Variants in ABCC1 observed in about 807,000 individuals in gnomAD.
ABCC1 encodes ATP binding cassette subfamily C member 1 (ABCC1 blood group), also known as multidrug resistance-associated protein 1.
ABCC1 carries 83 observed loss-of-function variants against 172.9 expected under a neutral mutation model. The observed-to-expected ratio is 0.48, with a 90% confidence interval of 0.40 to 0.58. The LOEUF (loss-of-function observed/expected upper bound fraction) is 0.58. Among genes scored for constraint, ABCC1 ranks in the 20% least tolerant of loss-of-function variants. The probability of loss-of-function intolerance (pLI) is 0.00; values close to 1 mark genes in which losing one functional copy is unlikely to be tolerated. For missense variants in ABCC1, 1,817 were observed against 2,002.7 expected, an observed-to-expected ratio of 0.91 and a Z score of 1.77; for synonymous variants, 937 against 825.2, an observed-to-expected ratio of 1.14 and a Z score of -2.32.
chr16:16,115,077 G>T lies in ABCC1; in HGVS notation c.3390+1G>T. ...TGGCCTCATCTACTTCTTCGTCCAGGTAAGGGGTGAGGTCTTAGTGTTCGG... is the reference window on the plus strand; with the variant it reads ...TGGCCTCATCTACTTCTTCGTCCAGTTAAGGGGTGAGGTCTTAGTGTTCGG... On this transcript the variant is annotated splice_donor_variant, in intron 23 of 30. Transcript: ENST00000399410. LOFTEE classifies it high-confidence loss of function. 1 of 1,613,192 alleles carries T rather than the reference G, an allele frequency of 6.2e-7. No individual in the cohort carries two copies. The highest frequency in any genetic ancestry group is 8.5e-7 in the Non-Finnish European group (1 of 1,179,180).
In ABCC1 at chr16:16,122,003, T is replaced by A. The variant is rs757142392; in HGVS notation, c.3419T>A (p.Leu1140Gln). Residue 1140 changes from leucine to glutamine, a missense_variant, in exon 24 of 31, where the codon CTG (leucine) becomes CAG (glutamine). Leu to Gln is a moderately radical substitution (Grantham distance 113). This residue lies in a region of ABCC1 where 1,412 missense variants were observed against 1,600.3 expected (regional missense o/e 0.88). Coordinates refer to ENST00000399410, the MANE Select transcript of ABCC1 (RefSeq NM_004996.4). ...QRFYVASSRQ[L>Q]KRLESVSRSP... ...TTCTACGTGGCTTCCTCCCGGCAGCTGAAGCGCCTCGAGTCGGTCAGCCGC... is the reference window on the plus strand; with the variant it reads ...TTCTACGTGGCTTCCTCCCGGCAGCAGAAGCGCCTCGAGTCGGTCAGCCGC... The A allele has an allele frequency of 1.9e-6, 3 of 1,614,218 alleles. No homozygotes were observed. The highest frequency in any genetic ancestry group is 2.5e-6 in the Non-Finnish European group (3 of 1,180,038).
At chr16:16,090,622 G>T in intron 19 of ABCC1, 34 bp downstream of exon 19, 3 of 1,531,424 alleles carry the variant, frequency 2.0e-6, no homozygotes, top group Non-Finnish European at 2.6e-6. Flanking sequence ...CCCACTCAGG[G>T]TGTCTGGCAC....
chr16:16,134,346 G>T lies in ABCC1; in HGVS notation c.3967-4G>T. ...CACCACACCTGGGCCCTTCTGTCCT[G>T]CAGGTCGGCATCGTGGGGCGGACGG... On this transcript the variant is annotated splice_polypyrimidine_tract_variant and splice_region_variant and intron_variant, in intron 27 of 30. Transcript: ENST00000399410. The T allele has an allele frequency of 6.2e-7, 1 of 1,614,078 alleles. No homozygotes were observed. The highest frequency in any genetic ancestry group is 8.5e-7 in the Non-Finnish European group (1 of 1,180,038).
intron 1 of ABCC1, among the ~76,000 whole-genome samples, chr16:15,950,160 GTC>G (rs1281079875): frequency 2.6e-5 from 4 of 152,110 alleles, no homozygotes; most frequent in African/African-American, 4.8e-5. Context: ...GAAGAGGGGT[GTC>G]TCTCTGCTTC....
At chr16:16,115,371 T>G (rs554026588) in intron 23 of ABCC1, among the ~76,000 whole-genome samples, 2 of 152,140 alleles carry the variant, frequency 1.3e-5, no homozygotes, top group Non-Finnish European at 2.9e-5. Flanking sequence ...TTTTTTTTTC[T>G]TGAGACAGAG....
chr16:16,138,529 C>A lies in ABCC1; in HGVS notation c.4458C>A (p.His1486Gln), dbSNP rs2152177055. 1 of 1,603,308 alleles carries A rather than the reference C, an allele frequency of 6.2e-7. No homozygotes were observed. Among genetic ancestry groups the A allele is most frequent in the Non-Finnish European group, 8.5e-7 (1 of 1,171,494 alleles). Residue 1486 changes from histidine to glutamine, a missense_variant, in exon 30 of 31, where the codon CAC (histidine) becomes CAA (glutamine). His to Gln is a conservative substitution (Grantham distance 24, BLOSUM62 0). Coordinates refer to ENST00000399410, the MANE Select transcript of ABCC1 (RefSeq NM_004996.4). Reference protein sequence around the residue: ...FEDCTVLTIAHRLNTIMDYTR... With the variant: ...FEDCTVLTIAQRLNTIMDYTR... ...ACTGCACCGTCCTCACCATCGCCCA[C>A]CGGCTCAACACCATCATGGACTACA...
intron 5 of ABCC1, among the ~76,000 whole-genome samples, chr16:16,022,796 G>A (rs1284172467): frequency 3.9e-5 from 6 of 152,202 alleles, no homozygotes; most frequent in Non-Finnish European, 8.8e-5. Context: ...GAATTCTACT[G>A]TGAGCAGTCA....
At chr16:16,119,520 A>G (rs1287524616) in intron 23 of ABCC1, among the ~76,000 whole-genome samples, 1 of 152,000 alleles carries the variant, frequency 6.6e-6, no homozygotes, top group Non-Finnish European at 1.5e-5. Context: ...GTGAAACCCC[A>G]TCTCTACTAA....
At chr16:16,044,861 G>A (rs1195355885) in intron 8 of ABCC1, among the ~76,000 whole-genome samples, 181 bp downstream of exon 8, 1 of 152,050 alleles carries the variant, frequency 6.6e-6, no homozygotes, top group African/African-American at 2.4e-5. Flanking sequence ...TGTTGGTCAG[G>A]CTGGTCTCGA....
chr16:16,072,767 C>G (rs1385153583), intron 14 of ABCC1, among the ~76,000 whole-genome samples: 1 of 151,876 alleles, frequency 6.6e-6, no homozygotes, highest in Non-Finnish European at 1.5e-5. Flanking sequence ...TTAGGCCGGG[C>G]ACAGTGGCTC....
intron 1 of ABCC1, among the ~76,000 whole-genome samples, chr16:15,981,975 T>C (rs2046630278): frequency 6.6e-6 from 1 of 152,188 alleles, no homozygotes; most frequent in Admixed American, 6.6e-5. Flanking sequence ...TGCCACTCTT[T>C]TTGCTTAAGC....
chr16:16,125,899 G>T lies in ABCC1; in HGVS notation c.3807G>T (p.Glu1269Asp). 6.2e-7 allele frequency: 1 copy of T among 1,613,866 alleles called. No individual in the cohort carries two copies. Among genetic ancestry groups the T allele is most frequent in the Non-Finnish European group, 8.5e-7 (1 of 1,179,916 alleles). Reference sequence around the variant, plus strand: ...TGGAGAGGCTCAAGGAGTATTCAGAGACTGAGAAGGAGGTAGGCAAGGGCC... The same window carrying T: ...TGGAGAGGCTCAAGGAGTATTCAGATACTGAGAAGGAGGTAGGCAAGGGCC... ...VAVERLKEYS[E>D]TEKEAPWQIQ... is the part of the protein sequence containing the mutation. Residue 1269 changes from glutamate (E) to aspartate (D), a missense_variant, in exon 26 of 31, where the codon GAG becomes GAT. Physicochemically the swap from Glu to Asp is conservative, Grantham distance 45 (BLOSUM62 2). Around this residue, in one of 3 missense-constraint regions of ABCC1, gnomAD observed 1,412 missense variants for 1,600.3 expected, o/e 0.88. Coordinates refer to ENST00000399410, the MANE Select transcript of ABCC1 (RefSeq NM_004996.4).
chr16:16,037,461 C>T (rs866312611), intron 7 of ABCC1, among the ~76,000 whole-genome samples: 2 of 151,856 alleles, frequency 1.3e-5, no homozygotes, highest in Admixed American at 6.6e-5. Context: ...TTGCGTGATG[C>T]GTTATTATTC....
chr16:16,019,801 A>G (rs150278611), intron 5 of ABCC1, among the ~76,000 whole-genome samples: 106 of 152,134 alleles, frequency 7.0e-4, no homozygotes, highest in African/African-American at 2.4e-3. Context: ...TGGCGGCTAA[A>G]AGGCTACACT....
Position 16,068,159 on chromosome 16 carries a change from G to A in ABCC1, c.1681G>A (p.Ala561Thr). ...GCACTGGGCGTTCTGCTTGCAGGTG[G>A]CCTTGTGCACATTTGCCGTCTACGT... ...FTWVCTPFLVALCTFAVYVTI... is the reference protein window; with the variant it reads ...FTWVCTPFLVTLCTFAVYVTI... The change falls in exon 13 of 31, where the codon GCC becomes ACC. Residue 561 changes from alanine (A) to threonine (T), a missense_variant. Coordinates refer to ENST00000399410, the MANE Select transcript of ABCC1 (RefSeq NM_004996.4). The A allele has an allele frequency of 1.2e-6, 2 of 1,614,050 alleles. No individual in the cohort carries two copies. Among genetic ancestry groups the A allele is most frequent in the Non-Finnish European group, 1.7e-6 (2 of 1,180,014 alleles).
At chr16:16,105,916 G>A (rs958341783) in intron 20 of ABCC1, among the ~76,000 whole-genome samples, 1 of 143,904 alleles carries the variant, frequency 6.9e-6, no homozygotes, top group Non-Finnish European at 1.5e-5. Flanking sequence ...TTACTCAGTC[G>A]CTGAGGCTGG....
At chr16:16,134,804 A>G (rs2045856682) in intron 28 of ABCC1, among the ~76,000 whole-genome samples, 1 of 151,738 alleles carries the variant, frequency 6.6e-6, no homozygotes, top group Admixed American at 6.6e-5. Context: ...ACCCAGCTAA[A>G]TTTGTTTTGT....
chr16:16,104,548 T>C (rs1275876717), intron 20 of ABCC1, among the ~76,000 whole-genome samples: 1 of 152,166 alleles, frequency 6.6e-6, no homozygotes, highest in Admixed American at 6.5e-5. Context: ...TACAATCCCT[T>C]AGCTAGACAT....
Position 16,087,003 on chromosome 16 carries a change from C to T in ABCC1, c.2460+12C>T, listed in dbSNP as rs373903536. 7.9e-5 allele frequency: 128 copies of T among 1,613,676 alleles called. No homozygotes were observed. Among genetic ancestry groups the T allele is most frequent in the Non-Finnish European group, 1.0e-4 (123 of 1,179,906 alleles). On this transcript the variant is annotated intron_variant, in intron 18 of 30. Coordinates refer to ENST00000399410, the MANE Select transcript of ABCC1 (RefSeq NM_004996.4). ...TGCTGAAGAACAAGGTGCCTGCTGG[C>T]GGGGTGGGGCTTGGTGTTGGGCCGT...
Sources: allele counts gnomAD v4.1 joint callset (sites outside exome capture counted in the v4.1 genomes callset), GRCh38; gene constraint gnomAD v4.1.1; regional missense constraint gnomAD v4.1.1; transcripts MANE v1.5; gene names NCBI Gene and HGNC (gene_info 2026-07-23, HGNC 2026-07-21).